The following PDE3A variants were observed in gnomAD, a reference collection of about 807,000 sequenced individuals.
The protein encoded by PDE3A is phosphodiesterase 3A.
A neutral mutation model predicts 98.3 loss-of-function variants in PDE3A; 43 were observed. The observed-to-expected ratio is 0.44, with a 90% CI of 0.34 to 0.56. The LOEUF (loss-of-function observed/expected upper bound fraction) is 0.56, where lower values mean the gene tolerates loss of function less well. PDE3A is among the 20% of genes least tolerant of loss of function. The probability of loss-of-function intolerance (pLI) is 0.01; values close to 1 mark genes in which losing one functional copy is unlikely to be tolerated. For missense variants in PDE3A, 1,427 were observed against 1,440.7 expected, an observed-to-expected ratio of 0.99 and a Z score of 0.15; for synonymous variants, 663 against 567.9, an observed-to-expected ratio of 1.17 and a Z score of -2.38.
intron 1 of PDE3A, among the ~76,000 whole-genome samples, chr12:20,549,133 G>GT (rs986851333): frequency 7.3e-5 from 11 of 151,554 alleles, no homozygotes; most frequent in South Asian, 6.2e-4. Context: ...ACTATGAGTA[G>GT]TTTTTTTTAA....
At chr12:20,625,136 A>G (rs1409030526) in intron 5 of PDE3A, among the ~76,000 whole-genome samples, 1 of 152,214 alleles carries the variant, frequency 6.6e-6, no homozygotes, top group Non-Finnish European at 1.5e-5. Flanking sequence ...CAGTCAATCA[A>G]TGTTAATTTT....
intron 1 of PDE3A, among the ~76,000 whole-genome samples, chr12:20,380,091 C>T (rs578002870): frequency 2.8e-4 from 42 of 152,002 alleles, no homozygotes; most frequent in African/African-American, 9.2e-4. Flanking sequence ...AGGGCTCTGA[C>T]AGGTGCTCTT....
chr12:20,632,722 A>G (rs1409047197), intron 6 of PDE3A, among the ~76,000 whole-genome samples: 1 of 151,808 alleles, frequency 6.6e-6, no homozygotes, highest in Non-Finnish European at 1.5e-5. Context: ...GTTTCTCTCA[A>G]CCAGCATCCT....
intron 15 of PDE3A, among the ~76,000 whole-genome samples, chr12:20,672,961 G>A (rs1404459575): frequency 1.3e-5 from 2 of 150,094 alleles, no homozygotes; most frequent in African/African-American, 4.9e-5. Flanking sequence ...CTGACAAAGG[G>A]CTAATATCCA....
chr12:20,394,562 T>A (rs1473538005), intron 1 of PDE3A, among the ~76,000 whole-genome samples: 1 of 152,118 alleles, frequency 6.6e-6, no homozygotes, highest in African/African-American at 2.4e-5. Flanking sequence ...ACAATTAATT[T>A]GTATAATAAA....
intron 1 of PDE3A, among the ~76,000 whole-genome samples, chr12:20,467,704 A>T (rs995069349): frequency 2.0e-5 from 3 of 152,028 alleles, no homozygotes; most frequent in African/African-American, 7.2e-5. Context: ...TGGGAGGCCA[A>T]GGTGGGTGGA....
intron 15 of PDE3A, among the ~76,000 whole-genome samples, chr12:20,655,834 G>A (rs1016018145): frequency 6.6e-6 from 1 of 152,174 alleles, no homozygotes; most frequent in Non-Finnish European, 1.5e-5. Context: ...ACATAGGGCG[G>A]TCAGTTAGGA....
At chr12:20,614,654 C>CT (rs906651016) in intron 3 of PDE3A, among the ~76,000 whole-genome samples, 13 of 152,100 alleles carry the variant, frequency 8.5e-5, no homozygotes, top group African/African-American at 2.7e-4. Context: ...CAAATTAGAC[C>CT]TGAGGTTAGT....
At chr12:20,555,639 A>C (rs147128222) in intron 1 of PDE3A, among the ~76,000 whole-genome samples, 2,073 of 152,338 alleles carry the variant, frequency 0.014, 18 homozygotes, top group Admixed American at 0.025. Context: ...TTTTGATTGA[A>C]ATCTAGTTAA....
intron 15 of PDE3A, among the ~76,000 whole-genome samples, chr12:20,664,212 C>A (rs534241080): frequency 1.3e-5 from 2 of 152,032 alleles, no homozygotes; most frequent in South Asian, 4.2e-4. Context: ...TTATAAATTA[C>A]CCAGTCTTGA....
chr12:20,386,090 A>T (rs370366069), intron 1 of PDE3A, among the ~76,000 whole-genome samples: 858 of 14,948 alleles, frequency 0.057, 70 homozygotes, highest in Non-Finnish European at 0.088. Context: ...TAAATATATA[A>T]ATATATATAA....
At position 20,470,827 on chromosome 12, in the gene PDE3A, T is replaced by C. The variant is rs561657976; in HGVS notation, c.961-85833T>C. On this transcript the variant is annotated intron_variant, in intron 1 of 15. Transcript: ENST00000359062. The stretch of plus-strand genomic sequence containing the variant: ...TTCTAATCCCTTATGTGATGGTATT[T>C]GGTGAAGGGGCCTTTGGCAGGCAGT... Among the ~76,000 whole-genome samples the C allele has an allele frequency of 2.6e-4, 40 of 152,170 alleles. No homozygotes were observed. The East Asian group carries it at 7.5e-3, about 29-fold the overall frequency.
Position 20,529,976 on chromosome 12 carries a change from C to T in PDE3A, c.961-26684C>T, listed in dbSNP as rs183207350. On this transcript the variant is annotated intron_variant, in intron 1 of 15. Coordinates refer to ENST00000359062, the MANE Select transcript of PDE3A (RefSeq NM_000921.5). ...TCTTTTGCTGTAAAGATAAATGCAC[C>T]GTAATTCACAAATTGTTATGAGGAC... 1.6e-3 allele frequency among the ~76,000 whole-genome samples: 247 copies of T among 152,218 alleles called. 1 individual carries two copies. Among genetic ancestry groups the T allele is most frequent in the Non-Finnish European group, 3.0e-3 (204 of 68,022 alleles).
chr12:20,446,678 A>T (rs746625754), intron 1 of PDE3A, among the ~76,000 whole-genome samples: 1 of 152,140 alleles, frequency 6.6e-6, no homozygotes, highest in African/African-American at 2.4e-5. Context: ...CAATAGGTAA[A>T]TCTTCTATTC....
chr12:20,576,948 C>A, intron 2 of PDE3A, among the ~76,000 whole-genome samples: 1 of 150,564 alleles, frequency 6.6e-6, no homozygotes, highest in African/African-American at 2.4e-5. Context: ...TTAAACTAAA[C>A]CAGGTGAGGT....
rs113377516 is a variant in PDE3A at position 20,564,948 on chromosome 12, G to A, written c.1011+8238G>A. Reference sequence around the variant, plus strand: ...CAAAGCAATCAAATAAACAACCACTGATAATAGATGTTTCTCTGCAGGGAC... The same window carrying A: ...CAAAGCAATCAAATAAACAACCACTAATAATAGATGTTTCTCTGCAGGGAC... On this transcript the variant is annotated intron_variant, in intron 2 of 15. Transcript: ENST00000359062. Among the ~76,000 whole-genome samples, 5 of 152,200 alleles carry A rather than the reference G, an allele frequency of 3.3e-5. 1 individual carries two copies. The highest frequency in any genetic ancestry group is 1.2e-4 in the African/African-American group (5 of 41,560).
At chr12:20,567,530 A>G (rs1235689012) in intron 2 of PDE3A, among the ~76,000 whole-genome samples, 1 of 152,046 alleles carries the variant, frequency 6.6e-6, no homozygotes, top group African/African-American at 2.4e-5. Context: ...TCATGTTGTC[A>G]TTACTTAAGG....
At chr12:20,672,546 A>G (rs546303457) in intron 15 of PDE3A, among the ~76,000 whole-genome samples, 12 of 151,636 alleles carry the variant, frequency 7.9e-5, no homozygotes, top group East Asian at 3.9e-4. Flanking sequence ...ATAACGCTGC[A>G]TATCTACAAC....
At chr12:20,492,718 G>A (rs1004168378) in intron 1 of PDE3A, among the ~76,000 whole-genome samples, 1 of 152,072 alleles carries the variant, frequency 6.6e-6, no homozygotes, top group Non-Finnish European at 1.5e-5. Flanking sequence ...GCAGGGCAGC[G>A]AGGGGTGATT....
Sources: allele counts gnomAD v4.1 joint callset (sites outside exome capture counted in the v4.1 genomes callset), GRCh38; gene constraint gnomAD v4.1.1; transcripts MANE v1.5; gene names NCBI Gene and HGNC (gene_info 2026-07-23, HGNC 2026-07-21).